The following FBXL7 variants were observed in gnomAD, a reference collection of about 807,000 sequenced individuals.
FBXL7 encodes F-box/LRR-repeat protein 7.
FBXL7 carries 12 observed loss-of-function variants against 38.3 expected under a neutral mutation model. The observed-to-expected ratio is 0.31, with a 90% CI of 0.20 to 0.51. The LOEUF (loss-of-function observed/expected upper bound fraction) is 0.51. Among genes scored for constraint, FBXL7 ranks in the 20% least tolerant of loss-of-function variants. The pLI, the probability that FBXL7 is intolerant of heterozygous loss-of-function variation, is 0.98. For synonymous variants in FBXL7, 297 were observed against 300.9 expected (o/e 0.99, Z 0.13); for missense variants, 567 against 676.4 (o/e 0.84, Z 1.79).
intron 1 of FBXL7, among the ~76,000 whole-genome samples, chr5:15,557,955 C>T (rs762121124): frequency 4.4e-4 from 67 of 152,126 alleles, no homozygotes; most frequent in Non-Finnish European, 7.9e-4. Context: ...TAGGCAAATT[C>T]ATAGAGACAA....
chr5:15,591,783 T>A (rs758255322), intron 1 of FBXL7, among the ~76,000 whole-genome samples: 3 of 152,126 alleles, frequency 2.0e-5, no homozygotes, highest in Non-Finnish European at 1.5e-5. Context: ...CGATCTTGGC[T>A]CACTGCAACC....
intron 2 of FBXL7, among the ~76,000 whole-genome samples, chr5:15,827,142 C>CCTGCT (rs1327051385): frequency 2.6e-5 from 4 of 152,238 alleles, no homozygotes; most frequent in African/African-American, 9.6e-5. Flanking sequence ...GATGCATCAC[C>CCTGCT]CTGCTCTGCT....
At chr5:15,821,118 T>C (rs1738158480) in intron 2 of FBXL7, among the ~76,000 whole-genome samples, 1 of 152,206 alleles carries the variant, frequency 6.6e-6, no homozygotes, top group Non-Finnish European at 1.5e-5. Context: ...CCCCAGTAAA[T>C]GGTTTGTTAG....
chr5:15,514,169 T>G (rs896860980), intron 1 of FBXL7, among the ~76,000 whole-genome samples: 3 of 152,222 alleles, frequency 2.0e-5, no homozygotes, highest in Non-Finnish European at 4.4e-5. Flanking sequence ...GAAAATTGCC[T>G]CACAAGGGGG....
Position 15,921,023 on chromosome 5 carries a change from G to C in FBXL7, c.128-6867G>C, listed in dbSNP as rs142176981. 1.0e-3 allele frequency among the ~76,000 whole-genome samples: 156 copies of C among 152,084 alleles called. 3 individuals are homozygous for C. In the East Asian group the frequency reaches 0.029, roughly 28 times the overall value. On this transcript the variant is annotated intron_variant, in intron 2 of 3. Coordinates refer to ENST00000504595, the MANE Select transcript of FBXL7 (RefSeq NM_012304.5). ...GTAGTGTGCTCCTCTGTCTTTCCTC[G>C]AGAGGAAATTTTATAATTTTAATAA...
chr5:15,913,115 A>G (rs1385339776), intron 2 of FBXL7, among the ~76,000 whole-genome samples: 1 of 152,140 alleles, frequency 6.6e-6, no homozygotes, highest in Non-Finnish European at 1.5e-5. Context: ...GTTAATGGGA[A>G]TGTGGAATTT....
chr5:15,893,674 C>T (rs562173756), intron 2 of FBXL7, among the ~76,000 whole-genome samples: 21 of 152,088 alleles, frequency 1.4e-4, no homozygotes, highest in Admixed American at 1.2e-3. Flanking sequence ...GTTTCAAATG[C>T]AACTTCAAGC....
intron 2 of FBXL7, among the ~76,000 whole-genome samples, chr5:15,837,449 C>T (rs951887814): frequency 6.6e-6 from 1 of 152,018 alleles, no homozygotes; most frequent in Non-Finnish European, 1.5e-5. Context: ...CATAAATATG[C>T]CTTATTTAGG....
chr5:15,724,210 C>A (rs530212066), intron 2 of FBXL7, among the ~76,000 whole-genome samples: 2 of 152,242 alleles, frequency 1.3e-5, no homozygotes, highest in Non-Finnish European at 2.9e-5. Context: ...TAGTTTCTTT[C>A]ATGCTCACAA....
At chr5:15,782,807 A>G (rs1419081471) in intron 2 of FBXL7, among the ~76,000 whole-genome samples, 1 of 152,132 alleles carries the variant, frequency 6.6e-6, no homozygotes, top group African/African-American at 2.4e-5. Flanking sequence ...CCATTTTAAT[A>G]GCCGAGGTTG....
At chr5:15,626,764 C>T (rs1740834799) in intron 2 of FBXL7, among the ~76,000 whole-genome samples, 1 of 152,134 alleles carries the variant, frequency 6.6e-6, no homozygotes, top group Non-Finnish European at 1.5e-5. Context: ...CACCAAAAAA[C>T]TAATCATTGT....
chr5:15,541,671 A>G (rs1737758814), intron 1 of FBXL7, among the ~76,000 whole-genome samples: 1 of 149,968 alleles, frequency 6.7e-6, no homozygotes, highest in African/African-American at 2.5e-5. Context: ...CAGCCTCCCA[A>G]GTAGCTGGGA....
At chr5:15,537,114 C>T (rs772522243) in intron 1 of FBXL7, among the ~76,000 whole-genome samples, 60 of 152,130 alleles carry the variant, frequency 3.9e-4, no homozygotes, top group African/African-American at 6.5e-4. Flanking sequence ...CTGAGGACTT[C>T]GCAGCCATGT....
At chr5:15,607,974 A>G (rs905411694) in intron 1 of FBXL7, among the ~76,000 whole-genome samples, 41 of 152,350 alleles carry the variant, frequency 2.7e-4, no homozygotes, top group African/African-American at 9.1e-4. Context: ...CCAGTGTACT[A>G]ATGGCCCCTA....
chr5:15,876,453 AT>A (rs1740212473), intron 2 of FBXL7, among the ~76,000 whole-genome samples: 9 of 152,150 alleles, frequency 5.9e-5, no homozygotes, highest in Admixed American at 5.9e-4. Context: ...ATTATGTTGC[AT>A]TTAAAGTTAG....
At chr5:15,925,719 A>G (rs1399829587) in intron 2 of FBXL7, among the ~76,000 whole-genome samples, 2 of 152,250 alleles carry the variant, frequency 1.3e-5, no homozygotes, top group South Asian at 4.1e-4. Context: ...TATTTTATAG[A>G]TGAGGAAATA....
chr5:15,643,078 G>C (rs180955726), intron 2 of FBXL7, among the ~76,000 whole-genome samples: 39 of 152,276 alleles, frequency 2.6e-4, no homozygotes, highest in African/African-American at 8.7e-4. Flanking sequence ...ATAATGCCAT[G>C]AGCAGCCAAG....
chr5:15,748,718 CTTTT>C (rs1736078643), intron 2 of FBXL7, among the ~76,000 whole-genome samples: 1 of 152,074 alleles, frequency 6.6e-6, no homozygotes, highest in East Asian at 1.9e-4. Flanking sequence ...TTGTTTGTTT[CTTTT>C]GATAGGGTCT....
intron 2 of FBXL7, among the ~76,000 whole-genome samples, chr5:15,682,653 A>G (rs1742884404): frequency 1.3e-5 from 2 of 152,138 alleles, no homozygotes; most frequent in Non-Finnish European, 2.9e-5. Context: ...AAAAAAGTCC[A>G]GCTGTATTGA....
Sources: gnomAD v4.1 joint callset for allele counts (sites outside exome capture counted in the v4.1 genomes callset) on GRCh38, gnomAD v4.1.1 for gene constraint, MANE v1.5 for transcripts, NCBI Gene and HGNC (gene_info 2026-07-23, HGNC 2026-07-21) for gene names.